The following ADORA1 variants were observed in gnomAD, a reference collection of about 807,000 sequenced individuals.
ADORA1 encodes the protein adenosine receptor A1.
Under a neutral mutation model 19.9 loss-of-function variants are expected in ADORA1, and 6 were observed. The observed-to-expected ratio is 0.30, with a 90% CI of 0.17 to 0.59. ADORA1 has a LOEUF of 0.59. Among genes scored for constraint, ADORA1 ranks in the 20% least tolerant of loss-of-function variants. The pLI is 0.87. For missense variants in ADORA1, 302 were observed against 439.2 expected (o/e 0.69, Z 2.79); for synonymous variants, 194 against 188.4 (o/e 1.03, Z -0.24).
chr1:203,164,970 G>A, intron 3 of ADORA1: 1 of 1,461,268 alleles, frequency 6.8e-7, no homozygotes, highest in South Asian at 1.2e-5. Flanking sequence ...TTTTACTGTG[G>A]TCATTTCCTT....
intron 3 of ADORA1, among the ~76,000 whole-genome samples, chr1:203,150,387 G>A (rs914343682): frequency 6.6e-6 from 1 of 152,216 alleles, no homozygotes; most frequent in Non-Finnish European, 1.5e-5. Flanking sequence ...GGCTGGGGAG[G>A]ACTGGTTCCC....
rs1655543460 is a variant in ADORA1, at chr1:203,166,056, C to T, written c.*156C>T. 2.0e-6 allele frequency: 2 copies of T among 1,023,948 alleles called. No individual in the cohort carries two copies. Among genetic ancestry groups the T allele is most frequent in the African/African-American group, 3.2e-5 (2 of 62,118 alleles). 63.4% of individuals were successfully genotyped at this position (1,023,948 alleles called of 1,614,324 possible). On this transcript the variant is annotated 3_prime_UTR_variant, in exon 4 of 4. Coordinates refer to ENST00000337894, the MANE Select transcript of ADORA1 (RefSeq NM_000674.3). ...GAAGAGATACCCACAGAGTGTGGTC[C>T]CTCCACTAGGAGTTAACTACCCTAC... is the stretch of plus-strand genomic sequence containing the variant.
intron 3 of ADORA1, among the ~76,000 whole-genome samples, chr1:203,155,020 TTA>T (rs1558135738): frequency 3.8e-4 from 19 of 50,198 alleles, no homozygotes; most frequent in Non-Finnish European, 9.1e-4. Context: ...TTCCTATTTA[TTA>T]TTATTATTAT....
intron 3 of ADORA1, among the ~76,000 whole-genome samples, chr1:203,162,641 C>T (rs1427117043): frequency 6.6e-6 from 1 of 152,188 alleles, no homozygotes; most frequent in African/African-American, 2.4e-5. Context: ...ATATTTTCAA[C>T]CTGCCAATCA....
intron 3 of ADORA1, among the ~76,000 whole-genome samples, chr1:203,145,929 G>C (rs1477748103): frequency 6.6e-6 from 1 of 152,196 alleles, no homozygotes; most frequent in Non-Finnish European, 1.5e-5. Flanking sequence ...AGCGGCTGTG[G>C]CAGGGCAGGG....
intron 3 of ADORA1, among the ~76,000 whole-genome samples, chr1:203,133,564 A>G (rs1654411620): frequency 6.6e-6 from 1 of 152,248 alleles, no homozygotes; most frequent in Non-Finnish European, 1.5e-5. Flanking sequence ...ATCTTGCGTC[A>G]GCCCAAGAAG....
chr1:203,139,521 C>T lies in ADORA1; in HGVS notation c.341+10339C>T, dbSNP rs564060272. 7.9e-5 allele frequency among the ~76,000 whole-genome samples: 12 copies of T among 152,258 alleles called. No homozygotes were observed. In the South Asian group the frequency reaches 8.3e-4, roughly 11 times the overall value. ...TATAATTGGGGGCAGCATGAAGGGC[C>T]CCCCTTAAGTTTGCAGTGATGAATT... On this transcript the variant is annotated intron_variant, in intron 3 of 3. Transcript: ENST00000337894.
At chr1:203,146,028 A>G (rs2102749404) in intron 3 of ADORA1, among the ~76,000 whole-genome samples, 1 of 152,112 alleles carries the variant, frequency 6.6e-6, no homozygotes, top group East Asian at 1.9e-4. Flanking sequence ...GAAATGTCGG[A>G]TGGGCACCTC....
chr1:203,164,067 G>A (rs1337917493), intron 3 of ADORA1, among the ~76,000 whole-genome samples: 3 of 152,232 alleles, frequency 2.0e-5, no homozygotes, highest in African/African-American at 7.2e-5. Context: ...GTGGGCAGAA[G>A]CCATGATGGC....
chr1:203,143,288 T>C (rs944805118), intron 3 of ADORA1, among the ~76,000 whole-genome samples: 8 of 152,208 alleles, frequency 5.3e-5, no homozygotes, highest in Non-Finnish European at 1.2e-4. Context: ...AGCTCAGATC[T>C]CTTGTCCTCT....
intron 3 of ADORA1, among the ~76,000 whole-genome samples, chr1:203,159,314 T>C (rs529422009): frequency 1.2e-4 from 18 of 152,340 alleles, no homozygotes; most frequent in African/African-American, 4.3e-4. Flanking sequence ...TTGCTTAAAA[T>C]GACTTCCCCT....
chr1:203,150,298 G>C (rs981279737), intron 3 of ADORA1, among the ~76,000 whole-genome samples: 9 of 152,248 alleles, frequency 5.9e-5, no homozygotes, highest in Non-Finnish European at 1.2e-4. Context: ...AGAAGCCCCT[G>C]AGCACATGCA....
Position 203,166,048 on chromosome 1 carries a change from G to A in ADORA1, c.*148G>A. 1 of 1,075,184 alleles carries A rather than the reference G, an allele frequency of 9.3e-7. No individual in the cohort carries two copies. The highest frequency in any genetic ancestry group is 1.3e-6 in the Non-Finnish European group (1 of 790,530). 66.6% of individuals were successfully genotyped at this position (1,075,184 alleles called of 1,614,324 possible). The stretch of plus-strand genomic sequence containing the variant: ...GAGGCTCTGAAGAGATACCCACAGA[G>A]TGTGGTCCCTCCACTAGGAGTTAAC... On this transcript the variant is annotated 3_prime_UTR_variant, in exon 4 of 4. Coordinates refer to ENST00000337894, the MANE Select transcript of ADORA1 (RefSeq NM_000674.3).
intron 3 of ADORA1, among the ~76,000 whole-genome samples, chr1:203,142,177 T>A (rs1654716745): frequency 6.6e-6 from 1 of 152,228 alleles, no homozygotes; most frequent in Admixed American, 6.5e-5. Context: ...AGGCACTCCA[T>A]AAGTGGGGCT....
intron 3 of ADORA1, among the ~76,000 whole-genome samples, chr1:203,130,760 G>T (rs1247235452): frequency 6.6e-6 from 1 of 152,252 alleles, no homozygotes; most frequent in Non-Finnish European, 1.5e-5. Flanking sequence ...GTGAGCCAAA[G>T]GTCCCGTCTT....
chr1:203,127,777 C>T lies in ADORA1; in HGVS notation c.-364C>T, dbSNP rs1172314678. The T allele has an allele frequency of 6.6e-6, 1 of 152,312 alleles. No homozygotes were observed. The highest frequency in any genetic ancestry group is 2.4e-5 in the African/African-American group (1 of 41,466). The allele number at this position is 152,312 out of a possible 1,614,324, so 9.4% of individuals were successfully genotyped here. ...GAGCCGCAGGCGCCCGAGTCGAGTC[C>T]CAGCCAGCTACCATCCCTCTGGAGC... On this transcript the variant is annotated 5_prime_UTR_variant, in exon 1 of 4. Coordinates refer to ENST00000337894, the MANE Select transcript of ADORA1 (RefSeq NM_000674.3).
chr1:203,135,850 C>T (rs542736223), intron 3 of ADORA1, among the ~76,000 whole-genome samples: 58 of 152,080 alleles, frequency 3.8e-4, no homozygotes, highest in Non-Finnish European at 6.0e-4. Context: ...CTCCCTTCTC[C>T]CTCCCCAATT....
chr1:203,164,751 G>A (rs1655481792), intron 3 of ADORA1, among the ~76,000 whole-genome samples: 1 of 152,134 alleles, frequency 6.6e-6, no homozygotes, highest in Admixed American at 6.5e-5. Flanking sequence ...TGGGTGTTTC[G>A]GTCAGTGTAG....
intron 3 of ADORA1, among the ~76,000 whole-genome samples, chr1:203,143,656 A>G (rs1431547450): frequency 6.6e-6 from 1 of 152,048 alleles, no homozygotes; most frequent in Non-Finnish European, 1.5e-5. Flanking sequence ...TGCTTGCTCA[A>G]TTCCATGCAG....
Sources: allele counts gnomAD v4.1 joint callset (sites outside exome capture counted in the v4.1 genomes callset), GRCh38; gene constraint gnomAD v4.1.1; transcripts MANE v1.5; gene names NCBI Gene and HGNC (gene_info 2026-07-23, HGNC 2026-07-21).